Variants in NUDT13 observed in about 807,000 individuals in gnomAD.
The protein encoded by NUDT13 is nudix hydrolase 13, also known as NAD(P)H pyrophosphatase NUDT13, mitochondrial.
In NUDT13, 40 loss-of-function variants were observed where a neutral mutation model predicts 41.7. The observed-to-expected ratio is 0.96, with a 90% CI of 0.75 to 1.25. The LOEUF is 1.25. Ranked by LOEUF, NUDT13 falls within the 50% of genes most tolerant of loss-of-function variation. NUDT13 has a pLI of 0.00. For missense variants in NUDT13, 390 were observed against 416.1 expected, an observed-to-expected ratio of 0.94 and a Z score of 0.55; for synonymous variants, 145 against 155.5, an observed-to-expected ratio of 0.93 and a Z score of 0.50.
chr10:73,110,714 AT>A (rs1842344138), intron 1 of NUDT13, 147 bp downstream of exon 1: 1 of 152,222 alleles, frequency 6.6e-6, no homozygotes, highest in Non-Finnish European at 1.5e-5. Context: ...AACCAGGGAT[AT>A]AACCATAGTT....
In NUDT13 at chr10:73,122,186, C is replaced by A; in HGVS notation, c.235C>A (p.Leu79Ile). 2 of 1,612,958 alleles carry A rather than the reference C, an allele frequency of 1.2e-6. No homozygotes were observed. The highest frequency in any genetic ancestry group is 1.7e-6 in the Non-Finnish European group (2 of 1,179,712). The change falls in exon 4 of 9, where the codon CTC becomes ATC. Residue 79 changes from leucine to isoleucine, a missense_variant. By Grantham distance (5) the Leu-to-Ile change is conservative. Transcript: ENST00000357321. ...TTTCTGTTTCTTAGAGTTGGAAAGGCTCCTGGGTAAATTTGGACAGGATGC... is the reference window on the plus strand; with the variant it reads ...TTTCTGTTTCTTAGAGTTGGAAAGGATCCTGGGTAAATTTGGACAGGATGC... ...PRHSLLELER[L>I]LGKFGQDAQR...
intron 2 of NUDT13, among the ~76,000 whole-genome samples, chr10:73,115,797 C>G (rs1190794230): frequency 6.6e-6 from 1 of 152,036 alleles, no homozygotes; most frequent in Non-Finnish European, 1.5e-5. Flanking sequence ...ACCCCCTTCC[C>G]CCAAGAACTA....
rs905586054 is a variant in NUDT13, at chr10:73,110,505, T to G, written c.-72T>G. The G allele has an allele frequency of 6.6e-6, 1 of 152,144 alleles. No individual in the cohort carries two copies. Among genetic ancestry groups the G allele is most frequent in the African/African-American group, 2.4e-5 (1 of 41,420 alleles). The allele number at this position is 152,144 out of a possible 1,614,324, so 9.4% of individuals were successfully genotyped here. A position where few individuals can be genotyped will look rare whatever the true frequency, so the allele number is the denominator to read the frequency against. On this transcript the variant is annotated 5_prime_UTR_variant, in exon 1 of 9. It adds an upstream start codon to the 5' untranslated region. Coordinates refer to ENST00000357321, the MANE Select transcript of NUDT13 (RefSeq NM_015901.6). Reference sequence around the variant, plus strand: ...AACGGAAGCCGTTGAACGTGAACATTTGGAGTTTCCTCTTTTGTGCTGATT... The same window carrying G: ...AACGGAAGCCGTTGAACGTGAACATGTGGAGTTTCCTCTTTTGTGCTGATT...
In NUDT13 at chr10:73,126,971, C is replaced by T. The variant is rs569438778; in HGVS notation, c.858+144C>T. The T allele has an allele frequency of 6.5e-4, 482 of 744,264 alleles. 8 individuals are homozygous for T. The South Asian group carries it at 7.6e-3, about 12-fold the overall frequency. The allele number at this position is 744,264 out of a possible 1,614,324, so 46.1% of individuals were successfully genotyped here. ...GTAAAATATGATTTAGGGCTGAGCA[C>T]GGTGGCTCATGCCTGTAATCCCAAC... is the stretch of plus-strand genomic sequence containing the variant. On this transcript the variant is annotated intron_variant, in intron 8 of 8. Transcript: ENST00000357321.
In NUDT13 at chr10:73,122,159, CCTTTCT is replaced by C; in HGVS notation, c.224-15_224-10del. 1 of 1,609,682 alleles carries C rather than the reference CCTTTCT, an allele frequency of 6.2e-7. No homozygotes were observed. Among genetic ancestry groups the C allele is most frequent in the Middle Eastern group, 1.7e-4 (1 of 6,040 alleles). On this transcript the variant is annotated splice_polypyrimidine_tract_variant and intron_variant, in intron 3 of 8. Coordinates refer to ENST00000357321, the MANE Select transcript of NUDT13 (RefSeq NM_015901.6). ...CTTGTGTTTTGCTTTTCTCCCTTCC[CCTTTCT>C]GTTTCTTAGAGTTGGAAAGGCTCCT...
intron 1 of NUDT13, among the ~76,000 whole-genome samples, chr10:73,111,822 G>T (rs1456331024): frequency 1.3e-5 from 2 of 152,156 alleles, no homozygotes; most frequent in Non-Finnish European, 2.9e-5. Context: ...GAGGTGTTTT[G>T]GGGAACAGTG....
chr10:73,130,891 C>G lies in NUDT13; in HGVS notation c.1047C>G (p.Ser349=). The stretch of plus-strand genomic sequence containing the variant: ...GGGTGGAAAAACAGACCTGTTCTTC[C>G]CTGCCTGCTTAGCCCGGATCAAGTC... ...KEWVEKQTCS[S]LPA The change falls in exon 9 of 9, where the codon TCC becomes TCG. Residue 349 remains serine, a synonymous_variant. Coordinates refer to ENST00000357321, the MANE Select transcript of NUDT13 (RefSeq NM_015901.6). 1 of 1,613,410 alleles carries G rather than the reference C, an allele frequency of 6.2e-7. No individual in the cohort carries two copies. Among genetic ancestry groups the G allele is most frequent in the Non-Finnish European group, 8.5e-7 (1 of 1,179,696 alleles).
At chr10:73,122,466 C>CATCATTTAATAGCATCATCTGCT (rs1413922305) in intron 4 of NUDT13, among the ~76,000 whole-genome samples, 157 bp downstream of exon 4, 2 of 152,212 alleles carry the variant, frequency 1.3e-5, no homozygotes, top group Non-Finnish European at 2.9e-5. Flanking sequence ...CTGCTATCAT[C>CATCATTTAATAGCATCATCTGCT]ATCATTTAAA....
chr10:73,120,895 GGCACT>G (rs1016993200), intron 3 of NUDT13, among the ~76,000 whole-genome samples: 2 of 150,410 alleles, frequency 1.3e-5, no homozygotes, highest in African/African-American at 4.9e-5. Flanking sequence ...CCGAGATCAC[GGCACT>G]GCACCCCAGT....
chr10:73,112,315 T>A (rs1369500514), intron 1 of NUDT13, among the ~76,000 whole-genome samples: 1 of 151,810 alleles, frequency 6.6e-6, no homozygotes, highest in African/African-American at 2.4e-5. Flanking sequence ...ATTGCGCCAT[T>A]GCACTCCAGC....
rs1842740088 is a variant in NUDT13 at position 73,125,183 on chromosome 10, G to A, written c.531G>A (p.Lys177=). The A allele has an allele frequency of 4.3e-6, 7 of 1,613,430 alleles. No homozygotes were observed. The highest frequency in any genetic ancestry group is 5.9e-6 in the Non-Finnish European group (7 of 1,179,790). The change falls in exon 6 of 9, where the codon AAG becomes AAA. Residue 177 remains lysine (K), a synonymous_variant. Coordinates refer to ENST00000357321, the MANE Select transcript of NUDT13 (RefSeq NM_015901.6). ...GCAGCAGAAGTGGGCAGCCCACCAA[G>A]AAGAACGTGGCTGGCAGCAAGCGTG... ...QFCSRSGQPT[K]KNVAGSKRVC... is the part of the protein sequence containing the mutation.
intron 7 of NUDT13, chr10:73,126,352 T>G: frequency 4.4e-6 from 1 of 229,870 alleles, no homozygotes; most frequent in East Asian, 8.8e-5. Flanking sequence ...TAGAATTCAG[T>G]ATTTATTTAC....
In NUDT13 at chr10:73,130,957, G is replaced by A; in HGVS notation, c.*54G>A. 1.4e-6 allele frequency: 2 copies of A among 1,464,634 alleles called. No individual in the cohort carries two copies. Among genetic ancestry groups the A allele is most frequent in the South Asian group, 1.1e-5 (1 of 87,372 alleles). 90.7% of individuals were successfully genotyped at this position (1,464,634 alleles called of 1,614,324 possible). A position where few individuals can be genotyped will look rare whatever the true frequency, so the allele number is the denominator to read the frequency against. On this transcript the variant is annotated 3_prime_UTR_variant, in exon 9 of 9. Transcript: ENST00000357321. ...TGGTATTCCTGAGGGACAAACTAGA[G>A]ATCAGTTGACAAAGGAGAAGTGACA...
At chr10:73,122,006 G>A (rs1379181523) in intron 3 of NUDT13, among the ~76,000 whole-genome samples, 169 bp from the exon 4 acceptor site, 2 of 152,210 alleles carry the variant, frequency 1.3e-5, no homozygotes, top group Non-Finnish European at 2.9e-5. Flanking sequence ...CAGGCCTGGA[G>A]AGGTTAAATG....
intron 3 of NUDT13, 66 bp downstream of exon 3, chr10:73,120,223 T>C: frequency 2.6e-6 from 4 of 1,516,518 alleles, no homozygotes; most frequent in Non-Finnish European, 3.6e-6. Flanking sequence ...CAGCCCATAA[T>C]GAATTCTAAG....
rs541094070 is a variant in NUDT13, at chr10:73,113,715, C to T, written c.-9-642C>T. Among the ~76,000 whole-genome samples the T allele has an allele frequency of 2.6e-5, 4 of 152,268 alleles. No homozygotes were observed. The South Asian group carries it at 8.3e-4, about 32-fold the overall frequency. On this transcript the variant is annotated intron_variant, in intron 1 of 8. Transcript: ENST00000357321. Reference sequence around the variant, plus strand: ...GGACATAGATTGTAGCCAAAACTGTCCAAGAATTCATCATCAGTGATTCAT... The same window carrying T: ...GGACATAGATTGTAGCCAAAACTGTTCAAGAATTCATCATCAGTGATTCAT...
rs1226413583 is a variant in NUDT13, at chr10:73,126,688, A to G, written c.719A>G (p.Glu240Gly). 12 of 1,614,198 alleles carry G rather than the reference A, an allele frequency of 7.4e-6. No individual in the cohort carries two copies. The highest frequency in any genetic ancestry group is 1.0e-5 in the Non-Finnish European group (12 of 1,180,008). ...GTGCTTGTAGGTGAAAGTGTGGAAG[A>G]GACCATCCGCCGAGAAGTTGCAGAA... ...GFCDIGESVE[E>G]TIRREVAEEV... The change falls in exon 8 of 9, where the codon GAG becomes GGG. Residue 240 changes from glutamate to glycine, a missense_variant. Transcript: ENST00000357321.
chr10:73,124,773 C>G (rs1420478980), intron 5 of NUDT13: 9 of 210,830 alleles, frequency 4.3e-5, no homozygotes, highest in Non-Finnish European at 7.4e-5. Flanking sequence ...TCCAACTTTA[C>G]CAGGGAGAAG....
At chr10:73,111,434 C>T (rs1380684938) in intron 1 of NUDT13, among the ~76,000 whole-genome samples, 1 of 152,096 alleles carries the variant, frequency 6.6e-6, no homozygotes, top group Non-Finnish European at 1.5e-5. Flanking sequence ...AGTGCAGTGG[C>T]GCGATCTCGG....
Sources: allele counts gnomAD v4.1 joint callset (sites outside exome capture counted in the v4.1 genomes callset), GRCh38; gene constraint gnomAD v4.1.1; transcripts MANE v1.5; gene names NCBI Gene and HGNC (gene_info 2026-07-23, HGNC 2026-07-21).